The following LRP1B variants were observed in gnomAD, a reference collection of about 807,000 sequenced individuals.
The protein encoded by LRP1B is LDL receptor related protein 1B.
LRP1B carries 217 observed loss-of-function variants against 556.6 expected under a neutral mutation model. The ratio of observed to expected loss-of-function variants is 0.39; its 90% CI spans 0.35 to 0.44. LRP1B has a LOEUF of 0.44. Among genes scored for constraint, LRP1B ranks in the 20% least tolerant of loss-of-function variants. The pLI, the probability that LRP1B is intolerant of heterozygous loss-of-function variation, is 1.00. For synonymous variants in LRP1B, 2,047 were observed against 1,865.8 expected (o/e 1.10, Z -2.50); for missense variants, 5,053 against 5,620.8 (o/e 0.90, Z 3.23).
At chr2:140,475,013 G>C (rs1381180105) in intron 60 of LRP1B, 125 bp downstream of exon 60, 1 of 358,988 alleles carries the variant, frequency 2.8e-6, no homozygotes, top group African/African-American at 2.1e-5. Context: ...TTATAAAGAA[G>C]TATAATAATG....
chr2:141,249,527 G>A (rs1425236967), intron 4 of LRP1B, among the ~76,000 whole-genome samples: 2 of 152,078 alleles, frequency 1.3e-5, no homozygotes, highest in African/African-American at 4.8e-5. Flanking sequence ...AACCTAGGAG[G>A]TGGAGGTTGC....
At chr2:141,789,501 A>T (rs1353338666) in intron 2 of LRP1B, among the ~76,000 whole-genome samples, 1 of 151,946 alleles carries the variant, frequency 6.6e-6, no homozygotes, top group Non-Finnish European at 1.5e-5. Context: ...GCAAACCTTA[A>T]GTTTAGGTTT....
intron 1 of LRP1B, among the ~76,000 whole-genome samples, chr2:142,025,561 C>T (rs1574607494): frequency 6.6e-6 from 1 of 152,088 alleles, no homozygotes; most frequent in Non-Finnish European, 1.5e-5. Flanking sequence ...ATATCAAGTG[C>T]TATGTCAGCA....
chr2:140,623,447 A>C (rs1276545605), intron 41 of LRP1B, among the ~76,000 whole-genome samples: 1 of 152,170 alleles, frequency 6.6e-6, no homozygotes, highest in Admixed American at 6.6e-5. Context: ...TTAAATATTT[A>C]CTGAGACAAA....
chr2:142,039,068 T>C (rs1559037419), intron 1 of LRP1B, among the ~76,000 whole-genome samples: 1 of 151,540 alleles, frequency 6.6e-6, no homozygotes, highest in Non-Finnish European at 1.5e-5. Context: ...AAGACTTCCA[T>C]GCACCAACAT....
rs565278631 is a variant in LRP1B at position 140,524,410 on chromosome 2, T to C, written c.8026+1434A>G. On this transcript the variant is annotated intron_variant, in intron 49 of 90. Transcript: ENST00000389484. ...AGTTCAGCCCCTGTGAAAAGTAGTT[T>C]GGAGATTTCTCAAAAACTAAAAGTA... Among the ~76,000 whole-genome samples the C allele has an allele frequency of 2.0e-5, 3 of 152,090 alleles. No individual in the cohort carries two copies. In the South Asian group the frequency reaches 6.2e-4, roughly 32 times the overall value.
intron 2 of LRP1B, among the ~76,000 whole-genome samples, chr2:141,569,633 A>G (rs1186727967): frequency 2.0e-5 from 3 of 151,222 alleles, no homozygotes; most frequent in Admixed American, 2.0e-4. Flanking sequence ...ATACTATAGA[A>G]GTTGGACTCA....
chr2:140,916,793 T>A (rs927009814), intron 21 of LRP1B, among the ~76,000 whole-genome samples: 4 of 152,214 alleles, frequency 2.6e-5, no homozygotes, highest in Non-Finnish European at 5.9e-5. Flanking sequence ...ATGACAATAG[T>A]TTCTTGTGAA....
intron 2 of LRP1B, among the ~76,000 whole-genome samples, chr2:141,780,144 C>T (rs903161035): frequency 2.1e-4 from 31 of 149,774 alleles, no homozygotes; most frequent in Non-Finnish European, 4.0e-4. Context: ...ATTAATAAAT[C>T]ATATAAATAC....
chr2:140,815,079 A>AC (rs1218015492), intron 31 of LRP1B, among the ~76,000 whole-genome samples: 1 of 152,072 alleles, frequency 6.6e-6, no homozygotes, highest in East Asian at 1.9e-4. Flanking sequence ...ACACAATGCA[A>AC]CCAACTGTTC....
At chr2:141,428,175 G>T (rs1412468761) in intron 3 of LRP1B, among the ~76,000 whole-genome samples, 1 of 152,042 alleles carries the variant, frequency 6.6e-6, no homozygotes, top group Non-Finnish European at 1.5e-5. Flanking sequence ...GTTTCAGCAT[G>T]TATTAAATAA....
intron 7 of LRP1B, among the ~76,000 whole-genome samples, chr2:141,144,295 T>C (rs1464029590): frequency 6.6e-6 from 1 of 152,198 alleles, no homozygotes; most frequent in Non-Finnish European, 1.5e-5. Flanking sequence ...AACTAACTTA[T>C]CCTACATCAC....
At chr2:140,879,591 C>T in intron 25 of LRP1B, among the ~76,000 whole-genome samples, 1 of 152,080 alleles carries the variant, frequency 6.6e-6, no homozygotes, top group East Asian at 1.9e-4. Flanking sequence ...CGTTTCATAA[C>T]ATTCTAGGTA....
intron 11 of LRP1B, among the ~76,000 whole-genome samples, chr2:141,031,747 G>A (rs1279970637): frequency 2.0e-5 from 3 of 151,880 alleles, no homozygotes; most frequent in Non-Finnish European, 4.4e-5. Flanking sequence ...ATAAAAGGAA[G>A]AGATTCAAGT....
chr2:141,098,885 G>A (rs1283104468), intron 7 of LRP1B, among the ~76,000 whole-genome samples: 2 of 152,040 alleles, frequency 1.3e-5, no homozygotes, highest in African/African-American at 2.4e-5. Context: ...TTGAACTCCC[G>A]ATCTCAGGTA....
At chr2:140,689,464 C>T (rs1219152816) in intron 41 of LRP1B, among the ~76,000 whole-genome samples, 4 of 152,146 alleles carry the variant, frequency 2.6e-5, no homozygotes, top group Non-Finnish European at 5.9e-5. Context: ...TGGGGGCTGC[C>T]CAATTTGTGA....
At chr2:142,121,726 T>C (rs1254869502) in intron 1 of LRP1B, among the ~76,000 whole-genome samples, 2 of 152,136 alleles carry the variant, frequency 1.3e-5, no homozygotes, top group Admixed American at 6.6e-5. Flanking sequence ...CTGTCTCCTC[T>C]TGCACTAAAG....
intron 41 of LRP1B, among the ~76,000 whole-genome samples, chr2:140,623,977 T>TATATATATATA (rs1413110559): frequency 2.8e-5 from 4 of 142,454 alleles, no homozygotes; most frequent in Admixed American, 1.4e-4. Context: ...TATATATAGC[T>TATATATATATA]TAGTTGTTTT....
chr2:141,999,740 G>A (rs1216854850), intron 1 of LRP1B, among the ~76,000 whole-genome samples: 4 of 151,690 alleles, frequency 2.6e-5, no homozygotes, highest in African/African-American at 9.7e-5. Context: ...AGAATTCTTA[G>A]TTGATTATCA....
Sources: allele counts gnomAD v4.1 joint callset (sites outside exome capture counted in the v4.1 genomes callset), GRCh38; gene constraint gnomAD v4.1.1; transcripts MANE v1.5; gene names NCBI Gene and HGNC (gene_info 2026-07-23, HGNC 2026-07-21).